N4BP1: variants seen among roughly 807,000 people sequenced by gnomAD.
The protein encoded by N4BP1 is NEDD4 binding protein 1.
Under a neutral mutation model 70.9 loss-of-function variants are expected in N4BP1, and 21 were observed. The observed-to-expected ratio is 0.30, with a 90% CI of 0.21 to 0.43. N4BP1 has a LOEUF of 0.43. Ranked by LOEUF, N4BP1 falls within the 20% of genes least tolerant of loss-of-function variation. The pLI, the probability that N4BP1 is intolerant of heterozygous loss-of-function variation, is 1.00. For missense variants in N4BP1, 936 were observed against 1,069.4 expected, an observed-to-expected ratio of 0.88 and a Z score of 1.74; for synonymous variants, 387 against 394.6, an observed-to-expected ratio of 0.98 and a Z score of 0.23.
At chr16:48,543,815 G>A (rs758199456) in intron 6 of N4BP1, among the ~76,000 whole-genome samples, 22 of 152,154 alleles carry the variant, frequency 1.4e-4, no homozygotes, top group Non-Finnish European at 3.2e-4. Flanking sequence ...GCCTGCAGGC[G>A]AGAAATGAGG....
chr16:48,566,526 A>G (rs1314507738), intron 1 of N4BP1, among the ~76,000 whole-genome samples: 4 of 152,194 alleles, frequency 2.6e-5, no homozygotes, highest in Non-Finnish European at 4.4e-5. Context: ...ATTTCCTGCT[A>G]TCCTTCTGTT....
chr16:48,598,719 C>G (rs1302787165), intron 1 of N4BP1, among the ~76,000 whole-genome samples: 4 of 152,108 alleles, frequency 2.6e-5, no homozygotes, highest in Non-Finnish European at 4.4e-5. Context: ...TGATAAAGCA[C>G]AAGTGTCCCT....
At chr16:48,597,288 C>G (rs547486318) in intron 1 of N4BP1, among the ~76,000 whole-genome samples, 1 of 152,234 alleles carries the variant, frequency 6.6e-6, no homozygotes, top group Non-Finnish European at 1.5e-5. Context: ...GTATCAACTT[C>G]CTGAAAAACC....
intron 1 of N4BP1, among the ~76,000 whole-genome samples, chr16:48,597,765 T>C (rs1271407634): frequency 6.6e-6 from 1 of 152,172 alleles, no homozygotes; most frequent in African/African-American, 2.4e-5. Context: ...TGTCTCGTCA[T>C]CTAGTGGCCC....
chr16:48,579,650 C>T (rs1964148552), intron 1 of N4BP1, among the ~76,000 whole-genome samples: 2 of 150,506 alleles, frequency 1.3e-5, no homozygotes. Flanking sequence ...CAATAATAAC[C>T]TTGAATATAA....
At chr16:48,581,708 G>A (rs554158686) in intron 1 of N4BP1, among the ~76,000 whole-genome samples, 1 of 152,084 alleles carries the variant, frequency 6.6e-6, no homozygotes, top group African/African-American at 2.4e-5. Context: ...GATATCCCAG[G>A]ACAATCTCTT....
At chr16:48,579,892 T>A (rs1274615178) in intron 1 of N4BP1, among the ~76,000 whole-genome samples, 1 of 151,918 alleles carries the variant, frequency 6.6e-6, no homozygotes, top group Admixed American at 6.6e-5. Context: ...ATTAAAGGGG[T>A]CAATTCAGCA....
chr16:48,582,515 C>A (rs751233867), intron 1 of N4BP1, among the ~76,000 whole-genome samples: 1 of 152,074 alleles, frequency 6.6e-6, no homozygotes, highest in Non-Finnish European at 1.5e-5. Context: ...AATTTGGACA[C>A]GCCAAAGAGA....
intron 3 of N4BP1, among the ~76,000 whole-genome samples, chr16:48,552,954 A>C (rs1963697469): frequency 6.6e-6 from 1 of 152,152 alleles, no homozygotes; most frequent in Admixed American, 6.5e-5. Flanking sequence ...CCTTCCCCAC[A>C]ATCTACTTTA....
At chr16:48,550,313 G>C (rs1195209334) in intron 4 of N4BP1, among the ~76,000 whole-genome samples, 1 of 152,078 alleles carries the variant, frequency 6.6e-6, no homozygotes, top group African/African-American at 2.4e-5. Context: ...AGGAGTTTGA[G>C]ACCAGCCTTA....
intron 1 of N4BP1, among the ~76,000 whole-genome samples, chr16:48,578,814 A>T (rs1045021102): frequency 1.3e-5 from 2 of 152,258 alleles, no homozygotes; most frequent in Admixed American, 6.5e-5. Context: ...ATCCAAAAGT[A>T]CCTTCTAAGA....
chr16:48,561,108 G>A lies in N4BP1; in HGVS notation c.1535C>T (p.Ser512Leu), dbSNP rs757074482. 1 of 1,614,038 alleles carries A rather than the reference G, an allele frequency of 6.2e-7. No homozygotes were observed. The highest frequency in any genetic ancestry group is 1.7e-5 in the Admixed American group (1 of 60,030). Residue 512 changes from serine to leucine, a missense_variant, in exon 2 of 7, where the codon TCA becomes TTA. This residue lies in a region of N4BP1 where 515 missense variants were observed against 491.7 expected (regional missense o/e 1.05). Coordinates refer to ENST00000262384, the MANE Select transcript of N4BP1 (RefSeq NM_153029.4). The stretch of plus-strand genomic sequence containing the variant: ...AAGTGGAACTCTGGGCTGGTGACTT[G>A]AAGCTCCCCTTGAAACAAAATTGAC... ...KEVNFVSRGA[S>L]SHQPRVPLFP...
intron 1 of N4BP1, among the ~76,000 whole-genome samples, chr16:48,579,640 C>A (rs1597104463): frequency 6.8e-6 from 1 of 147,694 alleles, no homozygotes; most frequent in Non-Finnish European, 1.5e-5. Flanking sequence ...AACTGTATTC[C>A]AATAATAACC....
At chr16:48,585,541 CTTT>C (rs35508080) in intron 1 of N4BP1, among the ~76,000 whole-genome samples, 2 of 140,978 alleles carry the variant, frequency 1.4e-5, no homozygotes, top group Non-Finnish European at 1.6e-5. Context: ...TAGTAACGAA[CTTT>C]TTTTTTTTTT....
Position 48,553,053 on chromosome 16 carries a change from G to A in N4BP1, c.2020+486C>T, listed in dbSNP as rs1019857863. On this transcript the variant is annotated intron_variant, in intron 3 of 6. Transcript: ENST00000262384. ...TGACCTATGACACAAACAACCTGAA[G>A]TTTCTCTAGAACATTTCATGATTCA... is the stretch of plus-strand genomic sequence containing the variant. Among the ~76,000 whole-genome samples the A allele has an allele frequency of 2.6e-5, 4 of 152,078 alleles. No homozygotes were observed. In the East Asian group the frequency reaches 5.8e-4, roughly 22 times the overall value.
intron 6 of N4BP1, among the ~76,000 whole-genome samples, chr16:48,545,407 TAAA>T (rs113024280): frequency 6.9e-6 from 1 of 145,006 alleles, no homozygotes; most frequent in Non-Finnish European, 1.5e-5. Flanking sequence ...CCGTTTCTGC[TAAA>T]AAAAAAAAAT....
At position 48,600,229 on chromosome 16, in the gene N4BP1, G is replaced by A. The variant is rs563447451; in HGVS notation, c.198+9546C>T. 1.5e-4 allele frequency: 118 copies of A among 798,904 alleles called. 1 individual carries two copies. In the Admixed American group the frequency reaches 1.6e-3, roughly 11 times the overall value. 49.5% of individuals were successfully genotyped at this position (798,904 alleles called of 1,614,324 possible). On this transcript the variant is annotated intron_variant, in intron 1 of 6. Coordinates refer to ENST00000262384, the MANE Select transcript of N4BP1 (RefSeq NM_153029.4). ...CCTGGCCACGGCATGATGTTCATCC[G>A]CAACGACTGAAAGGTGTTCAGATTT...
chr16:48,600,141 TGGTG>T (rs1345617128), intron 1 of N4BP1: 3 of 460,946 alleles, frequency 6.5e-6, no homozygotes, highest in Non-Finnish European at 1.2e-5. Flanking sequence ...ATTTGGTTGG[TGGTG>T]ACCCATGCAG....
At chr16:48,566,630 G>C (rs900749699) in intron 1 of N4BP1, among the ~76,000 whole-genome samples, 3 of 152,212 alleles carry the variant, frequency 2.0e-5, no homozygotes, top group Admixed American at 6.5e-5. Flanking sequence ...CCAGGATAAG[G>C]TCTATCTTGA....
Sources: gnomAD v4.1 joint callset for allele counts (sites outside exome capture counted in the v4.1 genomes callset) on GRCh38, gnomAD v4.1.1 for gene constraint, gnomAD v4.1.1 regional missense constraint, MANE v1.5 for transcripts, NCBI Gene and HGNC (gene_info 2026-07-23, HGNC 2026-07-21) for gene names.